The following AMZ1 variants were observed in gnomAD, a reference collection of about 807,000 sequenced individuals.
The protein encoded by AMZ1 is archaemetzincin-1.
In AMZ1, 39 loss-of-function variants were observed where a neutral mutation model predicts 29.9. The observed-to-expected ratio is 1.30, with a 90% CI of 1.01 to 1.70. The LOEUF is 1.70. Among genes scored for constraint, AMZ1 ranks in the 40% most tolerant of loss-of-function variants. The pLI, the probability that AMZ1 is intolerant of heterozygous loss-of-function variation, is 0.00. For synonymous variants in AMZ1, 458 were observed against 304.0 expected (o/e 1.51, Z -5.27); for missense variants, 1,041 against 680.6 (o/e 1.53, Z -5.89).
intron 1 of AMZ1, among the ~76,000 whole-genome samples, chr7:2,692,414 C>A (rs558194039): frequency 1.3e-5 from 2 of 152,140 alleles, no homozygotes. Flanking sequence ...TGGTGGCGGG[C>A]GCCTTTAGTC....
At position 2,715,640 on chromosome 7, in the gene AMZ1, A is replaced by G. The variant is rs1161322384; in HGVS notation, c.*2762A>G. ...GCAGATGTCAGTGAAATTTTTTAAGACAGCTGTTAGAAGGACTGTTTTGAA... is the reference window on the plus strand; with the variant it reads ...GCAGATGTCAGTGAAATTTTTTAAGGCAGCTGTTAGAAGGACTGTTTTGAA... On this transcript the variant is annotated 3_prime_UTR_variant, in exon 7 of 7. Coordinates refer to ENST00000683327, the MANE Select transcript of AMZ1 (RefSeq NM_001384743.1). 3 of 152,132 alleles carry G rather than the reference A, an allele frequency of 2.0e-5. No homozygotes were observed. The highest frequency in any genetic ancestry group is 7.2e-5 in the African/African-American group (3 of 41,426). 9.4% of individuals were successfully genotyped at this position (152,132 alleles called of 1,614,324 possible). A position where few individuals can be genotyped will look rare whatever the true frequency, so the allele number is the denominator to read the frequency against.
intron 4 of AMZ1, among the ~76,000 whole-genome samples, chr7:2,736,053 T>C (rs1038784120): frequency 5.3e-5 from 8 of 152,192 alleles, no homozygotes; most frequent in African/African-American, 1.4e-4. Flanking sequence ...GACGATCGTT[T>C]GCGACGGACT....
At position 2,731,595 on chromosome 7, in the gene AMZ1, C is replaced by A; in HGVS notation, n.550+21779C>A. On this transcript the variant is annotated intron_variant and non_coding_transcript_variant, in intron 4 of 4. Transcript: ENST00000489665. The surrounding 1 kb of genome is among the most constrained non-coding windows in gnomAD (Gnocchi z 6.0). Reference sequence around the variant, plus strand: ...AGACCATGAACAGGATGGACGTGATCCCGTCGAAGCACTGGAACCACTTCT... The same window carrying A: ...AGACCATGAACAGGATGGACGTGATACCGTCGAAGCACTGGAACCACTTCT... 6.2e-7 allele frequency: 1 copy of A among 1,613,748 alleles called. No individual in the cohort carries two copies. The highest frequency in any genetic ancestry group is 8.5e-7 in the Non-Finnish European group (1 of 1,179,814).
At position 2,713,198 on chromosome 7, in the gene AMZ1, T is replaced by G; in HGVS notation, c.*320T>G. 4.6e-6 allele frequency: 1 copy of G among 219,652 alleles called. No homozygotes were observed. The allele number at this position is 219,652 out of a possible 1,614,324, so 13.6% of individuals were successfully genotyped here. Reference sequence around the variant, plus strand: ...TCGAGGCTGCAGTGGGATGTGATCATACCACTGTACTGCAGTCTGGGCCAC... The same window carrying G: ...TCGAGGCTGCAGTGGGATGTGATCAGACCACTGTACTGCAGTCTGGGCCAC... On this transcript the variant is annotated 3_prime_UTR_variant, in exon 7 of 7. Coordinates refer to ENST00000683327, the MANE Select transcript of AMZ1 (RefSeq NM_001384743.1).
At chr7:2,683,196 C>G (rs1034433851) in intron 1 of AMZ1, among the ~76,000 whole-genome samples, 1 of 152,184 alleles carries the variant, frequency 6.6e-6, no homozygotes. Context: ...TGACAAATGA[C>G]CACAGCTGTG....
upstream of AMZ1, chr7:2,764,575 GTGAA>G (rs1266188281): frequency 6.6e-6 from 1 of 152,236 alleles, no homozygotes. Context: ...TCTCTGACAT[GTGAA>G]TGAATGATCT....
intron 6 of AMZ1, among the ~76,000 whole-genome samples, chr7:2,710,023 C>T (rs1006778653): frequency 5.3e-5 from 8 of 152,206 alleles, no homozygotes; most frequent in African/African-American, 1.7e-4. Flanking sequence ...CCAGGGCCCG[C>T]GTGTGGTGGC....
At chr7:2,742,674 A>G (rs1333019916) in intron 4 of AMZ1, among the ~76,000 whole-genome samples, 1 of 152,116 alleles carries the variant, frequency 6.6e-6, no homozygotes, top group African/African-American at 2.4e-5. Context: ...ACACCTGCAG[A>G]GTTTTGATTT....
At position 2,714,708 on chromosome 7, in the gene AMZ1, G is replaced by A. The variant is rs1037016083; in HGVS notation, c.*1830G>A. ...TGGAGACGGTTTGCCCCTGTGGCTCGACTGGAGTGTTCGTTCACACGGCTG... is the reference window on the plus strand; with the variant it reads ...TGGAGACGGTTTGCCCCTGTGGCTCAACTGGAGTGTTCGTTCACACGGCTG... On this transcript the variant is annotated 3_prime_UTR_variant, in exon 7 of 7. Transcript: ENST00000683327. The A allele has an allele frequency of 6.6e-6, 1 of 152,316 alleles. No homozygotes were observed. The highest frequency in any genetic ancestry group is 3.4e-3 in the Middle Eastern group (1 of 296). 9.4% of individuals were successfully genotyped at this position (152,316 alleles called of 1,614,324 possible).
chr7:2,731,140 TG>T lies in AMZ1; in HGVS notation n.550+21329del. On this transcript the variant is annotated intron_variant and non_coding_transcript_variant, in intron 4 of 4. Transcript: ENST00000489665. This position sits in a 1 kb window ranked among gnomAD's most constrained non-coding sequence, Gnocchi z 6.0. ...CACCCAAGAGTCTGACCGACAGCCG[TG>T]GGGGCTGCTCAACGACGACAAACCC... is the stretch of plus-strand genomic sequence containing the variant. 2 of 1,374,036 alleles carry T rather than the reference TG, an allele frequency of 1.5e-6. No individual in the cohort carries two copies. The highest frequency in any genetic ancestry group is 1.4e-5 in the African/African-American group (1 of 70,370). The allele number at this position is 1,374,036 out of a possible 1,614,324, so 85.1% of individuals were successfully genotyped here.
At chr7:2,734,484 G>A (rs916247014) in intron 4 of AMZ1, among the ~76,000 whole-genome samples, 1 of 152,212 alleles carries the variant, frequency 6.6e-6, no homozygotes, top group South Asian at 2.1e-4. Context: ...TCATACACAT[G>A]TGGCGAGCTG....
At position 2,715,659 on chromosome 7, in the gene AMZ1, T is replaced by C. The variant is rs1407702373; in HGVS notation, c.*2781T>C. ...TTTAAGACAGCTGTTAGAAGGACTG[T>C]TTTGAAATGCAACTTTGAGGAAGAG... On this transcript the variant is annotated 3_prime_UTR_variant, in exon 7 of 7. Transcript: ENST00000683327. 6.6e-6 allele frequency: 1 copy of C among 151,868 alleles called. No individual in the cohort carries two copies. Among genetic ancestry groups the C allele is most frequent in the East Asian group, 1.9e-4 (1 of 5,190 alleles). The allele number at this position is 151,868 out of a possible 1,614,324, so 9.4% of individuals were successfully genotyped here. A position where few individuals can be genotyped will look rare whatever the true frequency, so the allele number is the denominator to read the frequency against.
chr7:2,692,871 C>G (rs1310659558), intron 1 of AMZ1, among the ~76,000 whole-genome samples: 1 of 152,188 alleles, frequency 6.6e-6, no homozygotes, highest in African/African-American at 2.4e-5. Context: ...GTTCTTTCCC[C>G]CAATTTGTTC....
At chr7:2,701,066 C>T (rs73281172) in intron 2 of AMZ1, among the ~76,000 whole-genome samples, 21 of 152,264 alleles carry the variant, frequency 1.4e-4, no homozygotes, top group African/African-American at 4.3e-4. Flanking sequence ...CACTGTGCTG[C>T]GGGCTGTATA....
At chr7:2,744,501 C>A (rs1016703005) in intron 4 of AMZ1, among the ~76,000 whole-genome samples, 1 of 152,156 alleles carries the variant, frequency 6.6e-6, no homozygotes, top group African/African-American at 2.4e-5. Context: ...AGGACATCCA[C>A]ACCAAAAACC....
At chr7:2,680,996 G>T (rs1482151302) in intron 1 of AMZ1, among the ~76,000 whole-genome samples, 1 of 152,232 alleles carries the variant, frequency 6.6e-6, no homozygotes, top group African/African-American at 2.4e-5. Context: ...CGGGCAGGGC[G>T]GCCTCCAGGT....
intron 5 of AMZ1, among the ~76,000 whole-genome samples, 175 bp from the exon 6 acceptor site, chr7:2,709,465 C>T (rs545029040): frequency 6.6e-6 from 1 of 152,202 alleles, no homozygotes; most frequent in Admixed American, 6.5e-5. Flanking sequence ...TCACCTTTCC[C>T]CTGGGGCCCT....
intron 1 of AMZ1, among the ~76,000 whole-genome samples, chr7:2,690,243 G>A (rs966204523): frequency 9.2e-5 from 14 of 152,122 alleles, no homozygotes; most frequent in African/African-American, 3.1e-4. Context: ...CAGACAGACA[G>A]GGTCTTGCTC....
chr7:2,754,413 T>C (rs1039260671), intron 4 of AMZ1, among the ~76,000 whole-genome samples: 1 of 152,150 alleles, frequency 6.6e-6, no homozygotes, highest in African/African-American at 2.4e-5. Context: ...CAAATACTTT[T>C]CTCCCAGTCT....
Sources: allele counts gnomAD v4.1 joint callset (sites outside exome capture counted in the v4.1 genomes callset), GRCh38; gene constraint gnomAD v4.1.1; non-coding constraint Gnocchi (gnomAD v3.1); transcripts MANE v1.5; gene names NCBI Gene and HGNC (gene_info 2026-07-23, HGNC 2026-07-21).